The following PGS1 variants were observed in gnomAD, a reference collection of about 807,000 sequenced individuals.
PGS1 encodes CDP-diacylglycerol--glycerol-3-phosphate 3-phosphatidyltransferase, mitochondrial.
Under a neutral mutation model 58.3 loss-of-function variants are expected in PGS1, and 44 were observed. The ratio of observed to expected loss-of-function variants is 0.75; its 90% CI spans 0.59 to 0.97. The LOEUF (loss-of-function observed/expected upper bound fraction) is 0.97, where lower values mean the gene tolerates loss of function less well. Among genes scored for constraint, PGS1 ranks in the 50% least tolerant of loss-of-function variants. The pLI is 0.00. For missense variants in PGS1, 684 were observed against 731.1 expected (o/e 0.94, Z 0.74); for synonymous variants, 330 against 311.0 (o/e 1.06, Z -0.64).
At chr17:78,394,380 T>G (rs1174079477) in intron 2 of PGS1, among the ~76,000 whole-genome samples, 1 of 151,964 alleles carries the variant, frequency 6.6e-6, no homozygotes, top group African/African-American at 2.4e-5. Flanking sequence ...CTTGACTGGC[T>G]CATTCAGAGT....
rs754583865 is a variant in PGS1, at chr17:78,419,566, G to A, written c.1572G>A (p.Leu524=). Residue 524 remains leucine, a synonymous_variant, in exon 9 of 10, where the codon CTG becomes CTA. Transcript: ENST00000262764. The part of the protein sequence containing the change: ...QLHQEQEQLY[L]RSGVVSSATF... Reference sequence around the variant, plus strand: ...CTCAGGAGCAAGAGCAGCTCTACCTGAGGTCAGGTGTGGTGTCCTCTGCCA... The same window carrying A: ...CTCAGGAGCAAGAGCAGCTCTACCTAAGGTCAGGTGTGGTGTCCTCTGCCA... The A allele has an allele frequency of 2.7e-5, 43 of 1,614,006 alleles. No homozygotes were observed. In the East Asian group the frequency reaches 9.6e-4, roughly 36 times the overall value.
rs2086298132 is a variant in PGS1, at chr17:78,424,301, C to T, written c.*251C>T. ...TCAGGCCAGCTGCCACGGCTGGAAG[C>T]AGAGGCCTTCGTAGGTGATGGCCTG... On this transcript the variant is annotated 3_prime_UTR_variant, in exon 10 of 10. Transcript: ENST00000262764. 2.0e-6 allele frequency: 2 copies of T among 988,112 alleles called. No homozygotes were observed. Among genetic ancestry groups the T allele is most frequent in the Non-Finnish European group, 2.9e-6 (2 of 692,824 alleles). 61.2% of individuals were successfully genotyped at this position (988,112 alleles called of 1,614,324 possible).
At chr17:78,387,456 G>T (rs895244295) in intron 1 of PGS1, among the ~76,000 whole-genome samples, 9 of 150,232 alleles carry the variant, frequency 6.0e-5, no homozygotes, top group African/African-American at 2.2e-4. Flanking sequence ...TGTGCCACCA[G>T]GCCCGGCTAA....
chr17:78,399,155 A>G, intron 4 of PGS1, 193 bp from the exon 5 acceptor site: 2 of 597,718 alleles, frequency 3.3e-6, no homozygotes, highest in Non-Finnish European at 6.0e-6. Context: ...TGAGGACTTC[A>G]GGCCTGAGAC....
At chr17:78,401,672 G>C (rs1274367397) in intron 6 of PGS1, among the ~76,000 whole-genome samples, 1 of 152,146 alleles carries the variant, frequency 6.6e-6, no homozygotes, top group African/African-American at 2.4e-5. Context: ...CCCTGTCCTT[G>C]TGTCAGGGGA....
In PGS1 at chr17:78,424,392, C is replaced by T; in HGVS notation, c.*342C>T. ...CTCAGCTAAAGCCCTCGGGTTCCAT[C>T]CGTTTAAATCTGTGGCATTTTCAGA... On this transcript the variant is annotated 3_prime_UTR_variant, in exon 10 of 10. Coordinates refer to ENST00000262764, the MANE Select transcript of PGS1 (RefSeq NM_024419.5). 1 of 474,992 alleles carries T rather than the reference C, an allele frequency of 2.1e-6. No individual in the cohort carries two copies. Among genetic ancestry groups the T allele is most frequent in the Admixed American group, 3.6e-5 (1 of 27,670 alleles). 29.4% of individuals were successfully genotyped at this position (474,992 alleles called of 1,614,324 possible).
Position 78,400,583 on chromosome 17 carries a change from C to T in PGS1, c.702-94C>T. The T allele has an allele frequency of 2.0e-6, 2 of 1,009,926 alleles. No homozygotes were observed. The highest frequency in any genetic ancestry group is 1.4e-5 in the South Asian group (1 of 72,250). The allele number at this position is 1,009,926 out of a possible 1,614,324, so 62.6% of individuals were successfully genotyped here. ...CTGCATCTTGACCTGAGTTTGTCAC[C>T]CCCCTGCTAGTTCACCTGAGACCTG... is the stretch of plus-strand genomic sequence containing the variant. On this transcript the variant is annotated intron_variant, in intron 5 of 9. Coordinates refer to ENST00000262764, the MANE Select transcript of PGS1 (RefSeq NM_024419.5). The surrounding 1 kb of genome is among the most constrained non-coding windows in gnomAD (Gnocchi z 4.4).
At chr17:78,420,907 C>A (rs1006429320) in intron 9 of PGS1, 1 of 152,136 alleles carries the variant, frequency 6.6e-6, no homozygotes, top group South Asian at 2.1e-4. Flanking sequence ...TTAACCAAAA[C>A]AGCACCAGTG....
intron 9 of PGS1, 52 bp downstream of exon 9, chr17:78,419,727 T>C: frequency 1.9e-6 from 3 of 1,603,770 alleles, no homozygotes; most frequent in South Asian, 1.1e-5. Context: ...AGTTCACAGG[T>C]GGGGCAGGTG....
At chr17:78,399,900 A>G in intron 5 of PGS1, 1 of 290,870 alleles carries the variant, frequency 3.4e-6, no homozygotes, top group South Asian at 3.6e-5. Flanking sequence ...AACAAGAGTC[A>G]GACCTGGAAG....
intron 7 of PGS1, among the ~76,000 whole-genome samples, chr17:78,409,661 TCCTGTAAGGATAAG>T (rs1387625146): frequency 6.6e-6 from 1 of 152,240 alleles, no homozygotes; most frequent in Admixed American, 6.5e-5. Flanking sequence ...TGAGTGCTTA[TCCTGTAAGGATAAG>T]CCTGTGATGT....
chr17:78,385,072 C>T (rs1291863746), intron 1 of PGS1, among the ~76,000 whole-genome samples: 3 of 152,178 alleles, frequency 2.0e-5, no homozygotes, highest in Non-Finnish European at 2.9e-5. Flanking sequence ...AGTGGAAAAC[C>T]GTCTCCTCCA....
rs535579127 is a variant in PGS1 at position 78,419,851 on chromosome 17, C to T, written c.*10+176C>T. The T allele has an allele frequency of 1.9e-5, 26 of 1,377,256 alleles. No individual in the cohort carries two copies. In the African/African-American group the frequency reaches 3.8e-4, roughly 20 times the overall value. 85.3% of individuals were successfully genotyped at this position (1,377,256 alleles called of 1,614,324 possible). Reference sequence around the variant, plus strand: ...TGTCCTCAAAGTTAGAAGCTGGATGCTAAATTAGGCAGTCTGTTCACTTTC... The same window carrying T: ...TGTCCTCAAAGTTAGAAGCTGGATGTTAAATTAGGCAGTCTGTTCACTTTC... On this transcript the variant is annotated intron_variant, in intron 9 of 9. Transcript: ENST00000262764.
intron 9 of PGS1, 111 bp from the exon 10 acceptor site, chr17:78,423,950 C>A (rs1480545950): frequency 5.0e-6 from 8 of 1,614,018 alleles, no homozygotes; most frequent in Non-Finnish European, 6.8e-6. Context: ...ATCCACTTCG[C>A]TGCCTTCTCT....
At chr17:78,405,116 G>A (rs1241692969) in intron 7 of PGS1, among the ~76,000 whole-genome samples, 2 of 151,972 alleles carry the variant, frequency 1.3e-5, no homozygotes, top group African/African-American at 4.8e-5. Flanking sequence ...TTGTGCCTCA[G>A]CCTCCCTAGT....
At chr17:78,423,199 GTTAA>G (rs1207080745) in intron 9 of PGS1, among the ~76,000 whole-genome samples, 2 of 151,878 alleles carry the variant, frequency 1.3e-5, no homozygotes, top group Non-Finnish European at 2.9e-5. Flanking sequence ...CAGGTTGCTA[GTTAA>G]TTCTCTCCCC....
chr17:78,401,349 A>C (rs1408923800), intron 6 of PGS1, among the ~76,000 whole-genome samples: 1 of 152,194 alleles, frequency 6.6e-6, no homozygotes, highest in East Asian at 1.9e-4. Flanking sequence ...CCATTTCCCC[A>C]AGCCTATCAC....
At chr17:78,419,818 A>G in intron 9 of PGS1, 143 bp downstream of exon 9, 1 of 1,452,462 alleles carries the variant, frequency 6.9e-7, no homozygotes, top group Non-Finnish European at 9.1e-7. Flanking sequence ...CTTCAGGGGT[A>G]TGGCAGCTGT....
At chr17:78,391,712 A>C (rs1323447673) in intron 1 of PGS1, among the ~76,000 whole-genome samples, 1 of 152,142 alleles carries the variant, frequency 6.6e-6, no homozygotes, top group Non-Finnish European at 1.5e-5. Flanking sequence ...ACCTGACCTT[A>C]GGTTGTCTAC....
Sources: allele counts gnomAD v4.1 joint callset (sites outside exome capture counted in the v4.1 genomes callset), GRCh38; gene constraint gnomAD v4.1.1; non-coding constraint Gnocchi (gnomAD v3.1); transcripts MANE v1.5; gene names NCBI Gene and HGNC (gene_info 2026-07-23, HGNC 2026-07-21).